The following NEK1 variants were observed in gnomAD, a reference collection of about 807,000 sequenced individuals.
The protein encoded by NEK1 is serine/threonine-protein kinase Nek1.
A neutral mutation model predicts 182.1 loss-of-function variants in NEK1; 137 were observed. That is an observed-to-expected ratio of 0.75 (90% CI 0.65 to 0.87). The LOEUF is 0.87. Among genes scored for constraint, NEK1 ranks in the 40% least tolerant of loss-of-function variants. The probability of loss-of-function intolerance (pLI) is 0.00; values close to 1 mark genes in which losing one functional copy is unlikely to be tolerated. For missense variants in NEK1, 1,391 were observed against 1,494.4 expected, an observed-to-expected ratio of 0.93 and a Z score of 1.14; for synonymous variants, 513 against 492.2, an observed-to-expected ratio of 1.04 and a Z score of -0.56.
chr4:169,497,490 T>C (rs1233705232), intron 23 of NEK1, among the ~76,000 whole-genome samples: 1 of 152,208 alleles, frequency 6.6e-6, no homozygotes, highest in Non-Finnish European at 1.5e-5. Context: ...CTTTTAATTG[T>C]GATGTTAGGG....
chr4:169,542,558 A>G (rs1759639384), intron 18 of NEK1, among the ~76,000 whole-genome samples: 1 of 152,184 alleles, frequency 6.6e-6, no homozygotes, highest in South Asian at 2.1e-4. Flanking sequence ...CTAGTTCTAG[A>G]TCCTTGAGGA....
intron 26 of NEK1, among the ~76,000 whole-genome samples, chr4:169,465,818 T>TA (rs1744815083): frequency 6.6e-6 from 1 of 152,056 alleles, no homozygotes; most frequent in Admixed American, 6.6e-5. Context: ...TAACAAAGCT[T>TA]AAAAGCAAGA....
intron 27 of NEK1, among the ~76,000 whole-genome samples, chr4:169,460,973 T>A (rs1376144883): frequency 1.3e-5 from 2 of 152,174 alleles, no homozygotes; most frequent in Non-Finnish European, 2.9e-5. Context: ...TCAGAATGAC[T>A]AAGGAGACAC....
intron 29 of NEK1, among the ~76,000 whole-genome samples, chr4:169,426,766 T>C (rs778000996): frequency 1.3e-5 from 2 of 152,188 alleles, no homozygotes; most frequent in Non-Finnish European, 2.9e-5. Flanking sequence ...ATAAACTGAT[T>C]AGAATAGGCA....
intron 2 of NEK1, among the ~76,000 whole-genome samples, chr4:169,611,601 A>T (rs1429179790): frequency 6.6e-6 from 1 of 152,264 alleles, no homozygotes; most frequent in Non-Finnish European, 1.5e-5. Flanking sequence ...ATAAACTCTT[A>T]AAGTAGTACA....
intron 32 of NEK1, 136 bp downstream of exon 32, chr4:169,406,460 G>T (rs1452872700): frequency 1.8e-6 from 1 of 544,220 alleles, no homozygotes; most frequent in Non-Finnish European, 3.0e-6. Context: ...TCTTAAAATA[G>T]ATAAAAATAA....
At chr4:169,452,237 G>A (rs539984137) in intron 27 of NEK1, among the ~76,000 whole-genome samples, 19 of 152,176 alleles carry the variant, frequency 1.2e-4, no homozygotes, top group Non-Finnish European at 2.2e-4. Flanking sequence ...TCTACCAGAG[G>A]TACAAAGAGG....
chr4:169,568,174 C>T (rs980487474), intron 12 of NEK1, among the ~76,000 whole-genome samples: 3 of 152,140 alleles, frequency 2.0e-5, no homozygotes, highest in Non-Finnish European at 4.4e-5. Flanking sequence ...TCCACTCGAG[C>T]GTGTATTCCT....
At chr4:169,575,711 A>G (rs1337051186) in intron 12 of NEK1, among the ~76,000 whole-genome samples, 3 of 152,134 alleles carry the variant, frequency 2.0e-5, no homozygotes, top group Admixed American at 6.5e-5. Flanking sequence ...TCAGCTCCAC[A>G]GTGGACACTT....
At chr4:169,590,190 C>G (rs1768210723) in intron 6 of NEK1, among the ~76,000 whole-genome samples, 1 of 152,166 alleles carries the variant, frequency 6.6e-6, no homozygotes, top group African/African-American at 2.4e-5. Context: ...TGCCTGCAAT[C>G]CCAGCTACTC....
At chr4:169,527,729 GC>G (rs1757089282) in intron 19 of NEK1, among the ~76,000 whole-genome samples, 1 of 152,008 alleles carries the variant, frequency 6.6e-6, no homozygotes, top group Admixed American at 6.6e-5. Flanking sequence ...TCTAAAGGCA[GC>G]AGGGAAATGG....
chr4:169,516,378 A>C (rs1201775451), intron 19 of NEK1, among the ~76,000 whole-genome samples: 2 of 126,548 alleles, frequency 1.6e-5, no homozygotes, highest in African/African-American at 7.7e-5. Context: ...AATTTGTTTG[A>C]GTTCATTGTA....
intron 2 of NEK1, among the ~76,000 whole-genome samples, chr4:169,605,829 G>C (rs17055039): frequency 0.089 from 13,462 of 152,066 alleles, 775 homozygotes; most frequent in African/African-American, 0.16. Flanking sequence ...ATAATACATA[G>C]CTGATCCTGA....
chr4:169,394,871 T>C (rs1312416669), intron 35 of NEK1, among the ~76,000 whole-genome samples: 3 of 152,206 alleles, frequency 2.0e-5, no homozygotes, highest in Non-Finnish European at 1.5e-5. Context: ...GAAAGGTGGA[T>C]ACATAAGTGA....
At chr4:169,550,967 T>C (rs570487389) in intron 18 of NEK1, among the ~76,000 whole-genome samples, 1 of 152,332 alleles carries the variant, frequency 6.6e-6, no homozygotes, top group South Asian at 2.1e-4. Flanking sequence ...CAAATACATT[T>C]TAGCAAGTAG....
At chr4:169,537,769 C>T (rs140656881) in intron 19 of NEK1, 40 bp downstream of exon 19, 1 of 1,433,622 alleles carries the variant, frequency 7.0e-7, no homozygotes, top group Non-Finnish European at 9.8e-7. Flanking sequence ...ACTTGGAATA[C>T]TAATACATTC....
chr4:169,515,381 T>C (rs1755003292), intron 19 of NEK1, among the ~76,000 whole-genome samples: 1 of 152,208 alleles, frequency 6.6e-6, no homozygotes, highest in Non-Finnish European at 1.5e-5. Context: ...AGCAGGATGT[T>C]CAAGTCTCAA....
At chr4:169,541,902 G>A (rs114452695) in intron 18 of NEK1, among the ~76,000 whole-genome samples, 59 of 152,192 alleles carry the variant, frequency 3.9e-4, no homozygotes, top group Admixed American at 7.2e-4. Flanking sequence ...CCTCATATCT[G>A]ACCGAAATGT....
chr4:169,495,818 G>A (rs1358267437), intron 23 of NEK1, among the ~76,000 whole-genome samples: 1 of 152,152 alleles, frequency 6.6e-6, no homozygotes, highest in African/African-American at 2.4e-5. Context: ...TTGTAGTATA[G>A]TTTGAAGTCA....
Sources: allele counts gnomAD v4.1 joint callset (sites outside exome capture counted in the v4.1 genomes callset), GRCh38; gene constraint gnomAD v4.1.1; transcripts MANE v1.5; gene names NCBI Gene and HGNC (gene_info 2026-07-23, HGNC 2026-07-21).